Variants in ZNF407 observed in about 807,000 individuals in gnomAD.
The protein encoded by ZNF407 is zinc finger protein 407.
ZNF407 carries 17 observed loss-of-function variants against 131.2 expected under a neutral mutation model. That is an observed-to-expected ratio of 0.13 (90% CI 0.09 to 0.19). The LOEUF is 0.19. Ranked by LOEUF, ZNF407 falls within the 10% of genes least tolerant of loss-of-function variation. The probability of loss-of-function intolerance (pLI) is 1.00; values close to 1 mark genes in which losing one functional copy is unlikely to be tolerated. For synonymous variants in ZNF407, 1,156 were observed against 1,062.0 expected (o/e 1.09, Z -1.72); for missense variants, 2,681 against 2,830.6 (o/e 0.95, Z 1.20).
At chr18:74,752,834 A>C (rs551098883) in intron 3 of ZNF407, among the ~76,000 whole-genome samples, 53 of 152,062 alleles carry the variant, frequency 3.5e-4, no homozygotes, top group African/African-American at 1.2e-3. Flanking sequence ...GTTCTTTTGG[A>C]TTAGGATTGT....
At chr18:74,988,603 G>A (rs1007661935) in intron 8 of ZNF407, among the ~76,000 whole-genome samples, 4 of 151,350 alleles carry the variant, frequency 2.6e-5, no homozygotes, top group South Asian at 2.1e-4. Context: ...AAGAAAAATA[G>A]CATTGTTCAA....
At chr18:74,906,986 G>A (rs1971605192) in intron 7 of ZNF407, among the ~76,000 whole-genome samples, 1 of 152,124 alleles carries the variant, frequency 6.6e-6, no homozygotes, top group Non-Finnish European at 1.5e-5. Context: ...CATACTTTAT[G>A]TGTATATGTA....
At chr18:74,773,539 TA>T (rs1969405510) in intron 3 of ZNF407, among the ~76,000 whole-genome samples, 1 of 152,130 alleles carries the variant, frequency 6.6e-6, no homozygotes, top group Non-Finnish European at 1.5e-5. Flanking sequence ...GAAGCCAAGT[TA>T]CTAGAGAGCT....
chr18:74,817,833 T>G (rs1216839600), intron 4 of ZNF407, among the ~76,000 whole-genome samples: 1 of 152,162 alleles, frequency 6.6e-6, no homozygotes, highest in Non-Finnish European at 1.5e-5. Flanking sequence ...ATGCAAACTA[T>G]TTTAAGTGTG....
chr18:74,804,371 G>C, intron 4 of ZNF407: 3 of 1,034,164 alleles, frequency 2.9e-6, no homozygotes, highest in Non-Finnish European at 2.3e-6. Flanking sequence ...GTTTTTGTAA[G>C]CATGCCATGT....
chr18:74,933,223 A>C (rs574565888), intron 8 of ZNF407, among the ~76,000 whole-genome samples: 1 of 152,358 alleles, frequency 6.6e-6, no homozygotes, highest in South Asian at 2.1e-4. Context: ...AAAAGGAAGG[A>C]AAATCTGGCA....
chr18:75,015,273 C>G (rs551592345), intron 8 of ZNF407, among the ~76,000 whole-genome samples: 12 of 151,906 alleles, frequency 7.9e-5, no homozygotes, highest in Admixed American at 6.6e-4. Flanking sequence ...TAAGTCTGTA[C>G]CATGTGTAAA....
intron 4 of ZNF407, among the ~76,000 whole-genome samples, chr18:74,853,816 C>T (rs750429930): frequency 6.6e-6 from 1 of 152,090 alleles, no homozygotes; most frequent in Non-Finnish European, 1.5e-5. Context: ...CAGTAGGAGA[C>T]AAGTGTGGCT....
chr18:74,782,542 C>T (rs945475693), intron 4 of ZNF407, among the ~76,000 whole-genome samples: 1 of 146,496 alleles, frequency 6.8e-6, no homozygotes, highest in Non-Finnish European at 1.5e-5. Flanking sequence ...TTCATCCCCT[C>T]CGCTCCCCTC....
chr18:75,062,216 AG>A (rs1973643484), intron 8 of ZNF407: 1 of 152,230 alleles, frequency 6.6e-6, no homozygotes, highest in Admixed American at 6.5e-5. Context: ...CTTGTCCTGA[AG>A]ACAGGGCTAC....
intron 7 of ZNF407, among the ~76,000 whole-genome samples, chr18:74,894,953 A>AT (rs1048430384): frequency 7.3e-5 from 11 of 150,928 alleles, no homozygotes; most frequent in Admixed American, 2.0e-4. Flanking sequence ...ACCCTTTTTA[A>AT]TTTTTTTTTA....
At chr18:74,940,976 C>T (rs1972091620) in intron 8 of ZNF407, among the ~76,000 whole-genome samples, 2 of 152,102 alleles carry the variant, frequency 1.3e-5, no homozygotes, top group South Asian at 4.1e-4. Flanking sequence ...TCTTTCTAGA[C>T]GCTTACACAG....
At chr18:74,989,024 T>C (rs1046980572) in intron 8 of ZNF407, among the ~76,000 whole-genome samples, 2 of 152,196 alleles carry the variant, frequency 1.3e-5, no homozygotes, top group African/African-American at 4.8e-5. Context: ...ACCTTATCCA[T>C]GAATGCTCAT....
At position 75,064,267 on chromosome 18, in the gene ZNF407, GC is replaced by G; in HGVS notation, c.6548del (p.Pro2183ArgfsTer24). 1 of 1,605,132 alleles carries G rather than the reference GC, an allele frequency of 6.2e-7. No individual in the cohort carries two copies. The highest frequency in any genetic ancestry group is 1.7e-5 in the Admixed American group (1 of 59,678). On this transcript the variant is annotated frameshift_variant, in exon 9 of 9. Transcript: ENST00000299687. LOFTEE classifies it low-confidence loss of function (END_TRUNC). Reference protein sequence around the residue: ...TELPPGVQDEPGLYSHTVLET... With the variant: ...TELPPGVQDEXGLYSHTVLET... ...AGCTGCCCCCAGGGGTGCAGGACGA[GC>G]CGGGCCTGTACTCCCACACCGTGCT...
At chr18:74,958,648 G>A (rs2145288512) in intron 8 of ZNF407, among the ~76,000 whole-genome samples, 1 of 152,318 alleles carries the variant, frequency 6.6e-6, no homozygotes, top group South Asian at 2.1e-4. Flanking sequence ...AGTAAGCCGG[G>A]GCTCTCAGAC....
chr18:74,797,984 T>G (rs1253676912), intron 4 of ZNF407, among the ~76,000 whole-genome samples: 2 of 152,094 alleles, frequency 1.3e-5, no homozygotes, highest in East Asian at 3.9e-4. Flanking sequence ...AGTTCTGGAA[T>G]AGTGTACATG....
intron 8 of ZNF407, among the ~76,000 whole-genome samples, chr18:75,021,279 A>T (rs574299304): frequency 4.1e-4 from 63 of 152,026 alleles, no homozygotes; most frequent in East Asian, 2.3e-3. Context: ...TTAAAAAAAA[A>T]AATAATAAAG....
At chr18:74,958,444 A>C (rs74813402) in intron 8 of ZNF407, among the ~76,000 whole-genome samples, 1,640 of 152,216 alleles carry the variant, frequency 0.011, 32 homozygotes, top group African/African-American at 0.037. Flanking sequence ...CCTGAGCTGC[A>C]TTGGCCATGA....
chr18:74,727,785 C>T (rs777752964), intron 3 of ZNF407, among the ~76,000 whole-genome samples: 27 of 152,136 alleles, frequency 1.8e-4, no homozygotes, highest in Non-Finnish European at 3.2e-4. Flanking sequence ...TTGAAAGTGC[C>T]GTCTGATGGC....
Sources: allele counts gnomAD v4.1 joint callset (sites outside exome capture counted in the v4.1 genomes callset), GRCh38; gene constraint gnomAD v4.1.1; transcripts MANE v1.5; gene names NCBI Gene and HGNC (gene_info 2026-07-23, HGNC 2026-07-21).